ATXN1: variants seen among roughly 807,000 people sequenced by gnomAD.
ATXN1 encodes the protein ataxin 1.
In ATXN1, 8 loss-of-function variants were observed where a neutral mutation model predicts 56.4. The ratio of observed to expected loss-of-function variants is 0.14; its 90% CI spans 0.08 to 0.26. The LOEUF is 0.26. Among genes scored for constraint, ATXN1 ranks in the 10% least tolerant of loss-of-function variants. The probability of loss-of-function intolerance (pLI) is 1.00; values close to 1 mark genes in which losing one functional copy is unlikely to be tolerated. For missense variants in ATXN1, 987 were observed against 1,106.5 expected (o/e 0.89, Z 1.53); for synonymous variants, 514 against 494.6 (o/e 1.04, Z -0.52).
At chr6:16,430,818 C>A (rs1759267403) in intron 6 of ATXN1, among the ~76,000 whole-genome samples, 1 of 151,928 alleles carries the variant, frequency 6.6e-6, no homozygotes. Flanking sequence ...CTGAGTCATT[C>A]CTATGGGATT....
Position 16,304,196 on chromosome 6 carries a change from G to T in ATXN1, c.*2133C>A, listed in dbSNP as rs1760182027. On this transcript the variant is annotated 3_prime_UTR_variant, in exon 8 of 8. Coordinates refer to ENST00000436367, the MANE Select transcript of ATXN1 (RefSeq NM_001128164.2). ...TTTTTTTTTTAATTTGTGAAACGAA[G>T]AAAGTACTATTTTCAATGGGGTAAA... 6.6e-6 allele frequency: 1 copy of T among 152,426 alleles called. No individual in the cohort carries two copies. Among genetic ancestry groups the T allele is most frequent in the South Asian group, 2.1e-4 (1 of 4,828 alleles). 9.4% of individuals were successfully genotyped at this position (152,426 alleles called of 1,614,324 possible). A position where few individuals can be genotyped will look rare whatever the true frequency, so the allele number is the denominator to read the frequency against.
intron 7 of ATXN1, among the ~76,000 whole-genome samples, chr6:16,319,613 C>T (rs998354589): frequency 3.9e-5 from 6 of 152,288 alleles, no homozygotes; most frequent in Non-Finnish European, 7.4e-5. Context: ...AATAAGGTAT[C>T]GGTACTGGCT....
intron 6 of ATXN1, among the ~76,000 whole-genome samples, chr6:16,414,621 AAC>A (rs1758865923): frequency 6.6e-6 from 1 of 152,236 alleles, no homozygotes; most frequent in South Asian, 2.1e-4. Context: ...CTGATTTAAA[AAC>A]ACACATGCAA....
At chr6:16,718,962 G>A (rs1006252075) in intron 2 of ATXN1, among the ~76,000 whole-genome samples, 3 of 152,192 alleles carry the variant, frequency 2.0e-5, no homozygotes, top group Admixed American at 1.3e-4. Flanking sequence ...CATAATTTGG[G>A]AAGTGGCTTT....
chr6:16,731,454 C>CTTTTTTTTT lies in ATXN1; in HGVS notation c.-615+21770_-615+21778dup, dbSNP rs71559655. Among the ~76,000 whole-genome samples the CTTTTTTTTT allele has an allele frequency of 4.7e-3, 385 of 81,738 alleles. 27 individuals carry two copies. Among genetic ancestry groups the CTTTTTTTTT allele is most frequent in the Non-Finnish European group, 6.3e-3 (252 of 40,256 alleles). 53.6% of individuals were successfully genotyped at this position (81,738 alleles called of 152,430 possible). A position where few individuals can be genotyped will look rare whatever the true frequency, so the allele number is the denominator to read the frequency against. The stretch of plus-strand genomic sequence containing the variant: ...ACGAGAGAGGCTTTTTTTTTCTTTT[C>CTTTTTTTTT]TTTTTTTTTTTTTTTTTTTTTTTTT... On this transcript the variant is annotated intron_variant, in intron 2 of 7. Transcript: ENST00000436367.
intron 2 of ATXN1, chr6:16,738,518 C>T (rs1760216235): frequency 6.6e-6 from 1 of 152,140 alleles, no homozygotes; most frequent in South Asian, 2.1e-4. Context: ...CATATTCCTC[C>T]TCTATTATGC....
chr6:16,537,927 A>AC (rs1377608110), intron 4 of ATXN1, among the ~76,000 whole-genome samples: 4 of 151,982 alleles, frequency 2.6e-5, no homozygotes, highest in Non-Finnish European at 5.9e-5. Context: ...TCATGGTGAT[A>AC]CCCCATCTCT....
At chr6:16,678,945 A>G (rs1758742215) in intron 2 of ATXN1, among the ~76,000 whole-genome samples, 1 of 152,184 alleles carries the variant, frequency 6.6e-6, no homozygotes, top group Non-Finnish European at 1.5e-5. Flanking sequence ...CTGAGGCAGT[A>G]GAATCGCTTG....
At chr6:16,384,202 A>G (rs1758192056) in intron 6 of ATXN1, among the ~76,000 whole-genome samples, 1 of 152,208 alleles carries the variant, frequency 6.6e-6, no homozygotes, top group Admixed American at 6.5e-5. Flanking sequence ...TGGATCCACA[A>G]CAGTCAATGC....
intron 2 of ATXN1, among the ~76,000 whole-genome samples, chr6:16,735,834 A>T (rs1406362118): frequency 1.3e-5 from 2 of 152,232 alleles, no homozygotes; most frequent in Non-Finnish European, 2.9e-5. Flanking sequence ...AAAAAGAAAA[A>T]AAAACTGTCC....
intron 6 of ATXN1, among the ~76,000 whole-genome samples, chr6:16,415,153 T>C (rs1758875569): frequency 6.6e-6 from 1 of 152,236 alleles, no homozygotes; most frequent in Non-Finnish European, 1.5e-5. Context: ...TTTTAAAATA[T>C]ATGGAATATA....
intron 6 of ATXN1, among the ~76,000 whole-genome samples, chr6:16,392,176 C>A (rs1758367180): frequency 6.6e-6 from 1 of 152,208 alleles, no homozygotes; most frequent in Non-Finnish European, 1.5e-5. Context: ...AACCTTGCTG[C>A]CTTCTTTACA....
intron 6 of ATXN1, among the ~76,000 whole-genome samples, chr6:16,443,578 C>T (rs1461706209): frequency 6.6e-6 from 1 of 152,058 alleles, no homozygotes; most frequent in Non-Finnish European, 1.5e-5. Flanking sequence ...CAAAACTAAA[C>T]AATCAAAATA....
chr6:16,362,783 A>G (rs973212999), intron 6 of ATXN1, among the ~76,000 whole-genome samples: 2 of 152,202 alleles, frequency 1.3e-5, no homozygotes, highest in Admixed American at 6.5e-5. Context: ...GTATAGGTTT[A>G]CATTTCAGCA....
At chr6:16,619,824 C>T (rs955632290) in intron 3 of ATXN1, among the ~76,000 whole-genome samples, 14 of 151,034 alleles carry the variant, frequency 9.3e-5, no homozygotes, top group Non-Finnish European at 1.9e-4. Flanking sequence ...GCAAGGATCG[C>T]TTGAGCCCAG....
In ATXN1 at chr6:16,511,080, G is replaced by A. The variant is rs1302394445; in HGVS notation, c.-299+11547C>T. Among the ~76,000 whole-genome samples the A allele has an allele frequency of 2.6e-5, 4 of 151,970 alleles. No homozygotes were observed. The South Asian group carries it at 8.3e-4, about 32-fold the overall frequency. On this transcript the variant is annotated intron_variant, in intron 5 of 7. Transcript: ENST00000436367. ...TCACTTGATGTAGCAACAGCACTAC[G>A]TTCTTTGAACTGTAACAAAGCTTTT...
intron 2 of ATXN1, among the ~76,000 whole-genome samples, chr6:16,670,362 G>C (rs1561801591): frequency 6.6e-6 from 1 of 152,106 alleles, no homozygotes; most frequent in East Asian, 1.9e-4. Context: ...TCTGATCCTT[G>C]TACTCTCCAA....
intron 2 of ATXN1, among the ~76,000 whole-genome samples, chr6:16,695,365 A>G (rs774735888): frequency 1.4e-4 from 22 of 152,220 alleles, no homozygotes; most frequent in Non-Finnish European, 3.1e-4. Context: ...GCATGCATAA[A>G]AATTCCATAG....
At chr6:16,739,730 T>C (rs1222529093) in intron 2 of ATXN1, 1 of 439,556 alleles carries the variant, frequency 2.3e-6, no homozygotes, top group Admixed American at 2.4e-5. Context: ...TTCTCAGGGA[T>C]GTCGTCCAAG....
Sources: allele counts gnomAD v4.1 joint callset (sites outside exome capture counted in the v4.1 genomes callset), GRCh38; gene constraint gnomAD v4.1.1; transcripts MANE v1.5; gene names NCBI Gene and HGNC (gene_info 2026-07-23, HGNC 2026-07-21).